The following SUGCT variants were observed in gnomAD, a reference collection of about 807,000 sequenced individuals.
SUGCT encodes the protein succinyl-CoA:glutarate CoA-transferase.
SUGCT carries 41 observed loss-of-function variants against 55.0 expected under a neutral mutation model. The observed-to-expected ratio is 0.74, with a 90% CI of 0.58 to 0.97. The LOEUF is 0.97. Ranked by LOEUF, SUGCT falls within the 50% of genes least tolerant of loss-of-function variation. The probability of loss-of-function intolerance (pLI) is 0.00; values close to 1 mark genes in which losing one functional copy is unlikely to be tolerated. For synonymous variants in SUGCT, 187 were observed against 200.4 expected (o/e 0.93, Z 0.56); for missense variants, 568 against 547.8 (o/e 1.04, Z -0.37).
rs916971290 is a variant in SUGCT, at chr7:40,860,540, T to C, written c.*61T>C. 1.3e-6 allele frequency: 2 copies of C among 1,537,176 alleles called. No individual in the cohort carries two copies. The highest frequency in any genetic ancestry group is 2.5e-5 in the South Asian group (2 of 79,188). ...GAATACACTGGCAAAGGCAACACTT[T>C]GCTTGGACCCTTCTCCCCAGTTCTG... is the stretch of plus-strand genomic sequence containing the variant. On this transcript the variant is annotated 3_prime_UTR_variant, in exon 14 of 14. Coordinates refer to ENST00000335693, the MANE Select transcript of SUGCT (RefSeq NM_001193313.2).
chr7:40,543,452 T>C (rs1191644474), intron 12 of SUGCT, among the ~76,000 whole-genome samples: 1 of 152,200 alleles, frequency 6.6e-6, no homozygotes, highest in Non-Finnish European at 1.5e-5. Context: ...AAACAGGCTC[T>C]TCATAGTTTA....
In SUGCT at chr7:40,563,642, A is replaced by G. The variant is rs144622524; in HGVS notation, c.1089+67256A>G. On this transcript the variant is annotated intron_variant, in intron 12 of 13. Coordinates refer to ENST00000335693, the MANE Select transcript of SUGCT (RefSeq NM_001193313.2). ...GGTGGGAGGATCACTTGAGCCTGGG[A>G]GATCAAGGCTGCAATGAGCCGTGAT... is the stretch of plus-strand genomic sequence containing the variant. Among the ~76,000 whole-genome samples, 148 of 152,022 alleles carry G rather than the reference A, an allele frequency of 9.7e-4. 1 individual carries two copies. Among genetic ancestry groups the G allele is most frequent in the African/African-American group, 3.4e-3 (140 of 41,462 alleles).
At chr7:40,356,881 G>A (rs973761972) in intron 9 of SUGCT, among the ~76,000 whole-genome samples, 4 of 152,170 alleles carry the variant, frequency 2.6e-5, no homozygotes, top group African/African-American at 9.7e-5. Context: ...AAAAGCTGAG[G>A]AAAACCACAC....
chr7:40,846,269 A>G (rs138714106), intron 13 of SUGCT, among the ~76,000 whole-genome samples: 1 of 152,254 alleles, frequency 6.6e-6, no homozygotes, highest in Non-Finnish European at 1.5e-5. Context: ...AAAGAAGAGG[A>G]AGAATTGATT....
At chr7:40,870,916 T>A in the SUGCT span, among the ~76,000 whole-genome samples, 1 of 152,218 alleles carries the variant, frequency 6.6e-6, no homozygotes, top group Non-Finnish European at 1.5e-5. Context: ...CTCTTCAGCA[T>A]GAATTGAATG....
chr7:40,962,491 A>G, the SUGCT span, among the ~76,000 whole-genome samples: 7 of 151,784 alleles, frequency 4.6e-5, no homozygotes, highest in Admixed American at 3.3e-4. Flanking sequence ...TTCAGATTGC[A>G]TAATATTCAG....
intron 12 of SUGCT, among the ~76,000 whole-genome samples, chr7:40,592,693 C>T (rs1360274683): frequency 6.6e-6 from 1 of 152,082 alleles, no homozygotes; most frequent in African/African-American, 2.4e-5. Context: ...TACCCTGAGC[C>T]AGGCAACATT....
intron 13 of SUGCT, among the ~76,000 whole-genome samples, chr7:40,790,602 C>A (rs182558299): frequency 6.6e-6 from 1 of 152,284 alleles, no homozygotes; most frequent in East Asian, 1.9e-4. Context: ...GTATGGACTA[C>A]AGAAATTATT....
chr7:40,707,017 T>G (rs1017724161), intron 12 of SUGCT, among the ~76,000 whole-genome samples: 2 of 152,150 alleles, frequency 1.3e-5, no homozygotes, highest in Non-Finnish European at 2.9e-5. Flanking sequence ...ACCCTCACTC[T>G]TGGAACAAGA....
intron 9 of SUGCT, among the ~76,000 whole-genome samples, chr7:40,353,955 G>T (rs1797764616): frequency 6.6e-6 from 1 of 152,080 alleles, no homozygotes; most frequent in Non-Finnish European, 1.5e-5. Context: ...GAATTTTAAA[G>T]AAAAAGTGCA....
the SUGCT span, among the ~76,000 whole-genome samples, chr7:41,011,519 A>G: frequency 6.6e-6 from 1 of 152,222 alleles, no homozygotes. Flanking sequence ...GGAGCTTGTT[A>G]GAAATGCAGA....
chr7:40,472,272 G>A (rs887453979), intron 11 of SUGCT, among the ~76,000 whole-genome samples: 1 of 152,114 alleles, frequency 6.6e-6, no homozygotes, highest in Admixed American at 6.5e-5. Context: ...TCATGAAATA[G>A]TGCAAAGCAC....
the SUGCT span, among the ~76,000 whole-genome samples, chr7:40,919,015 T>A: frequency 1.3e-5 from 2 of 152,196 alleles, no homozygotes; most frequent in Non-Finnish European, 2.9e-5. Flanking sequence ...CCTGACACAC[T>A]CTGGCTTATT....
At chr7:40,382,284 T>C (rs1156675843) in intron 9 of SUGCT, among the ~76,000 whole-genome samples, 8 of 152,132 alleles carry the variant, frequency 5.3e-5, no homozygotes. Flanking sequence ...AATAGAATTT[T>C]ATTGCTTGTA....
chr7:40,180,493 A>AT lies in SUGCT; in HGVS notation c.101-441dup, dbSNP rs113930159. 1.9e-3 allele frequency among the ~76,000 whole-genome samples: 266 copies of AT among 141,040 alleles called. 1 individual carries two copies. The highest frequency in any genetic ancestry group is 0.012 in the South Asian group (55 of 4,422). 92.5% of individuals were successfully genotyped at this position (141,040 alleles called of 152,430 possible). A position where few individuals can be genotyped will look rare whatever the true frequency, so the allele number is the denominator to read the frequency against. On this transcript the variant is annotated intron_variant, in intron 1 of 13. Transcript: ENST00000335693. ...AATGCCTACTGTATGAGCTTCCAGT[A>AT]TTTTTTTTTTTTTCGAGACAGAGCC...
At chr7:40,476,149 T>C (rs1474908182) in intron 11 of SUGCT, among the ~76,000 whole-genome samples, 3 of 152,300 alleles carry the variant, frequency 2.0e-5, no homozygotes, top group Admixed American at 1.3e-4. Context: ...ACTTATGTTA[T>C]AGGAATTAAA....
downstream of SUGCT, among the ~76,000 whole-genome samples, chr7:40,863,783 C>T (rs983474060): frequency 6.6e-6 from 1 of 152,008 alleles, no homozygotes; most frequent in Middle Eastern, 3.4e-3. Flanking sequence ...GTACAACGGG[C>T]CTGAAAAAAA....
At chr7:40,444,095 T>C (rs1240477122) in intron 9 of SUGCT, among the ~76,000 whole-genome samples, 1 of 150,842 alleles carries the variant, frequency 6.6e-6, no homozygotes, top group African/African-American at 2.5e-5. Flanking sequence ...TCTGTTTTGG[T>C]ACCAGTACCA....
chr7:40,638,859 A>C (rs1300564929), intron 12 of SUGCT, among the ~76,000 whole-genome samples: 1 of 152,206 alleles, frequency 6.6e-6, no homozygotes, highest in Non-Finnish European at 1.5e-5. Flanking sequence ...GTGTGCTGCA[A>C]GGCAAAGGCA....
Sources: allele counts gnomAD v4.1 joint callset (sites outside exome capture counted in the v4.1 genomes callset), GRCh38; gene constraint gnomAD v4.1.1; transcripts MANE v1.5; gene names NCBI Gene and HGNC (gene_info 2026-07-23, HGNC 2026-07-21).